AGBL4: variants seen among roughly 807,000 people sequenced by gnomAD.
AGBL4 encodes the protein AGBL carboxypeptidase 4.
AGBL4 carries 58 observed loss-of-function variants against 66.4 expected under a neutral mutation model. That is an observed-to-expected ratio of 0.87 (90% CI 0.71 to 1.09). The LOEUF (loss-of-function observed/expected upper bound fraction) is 1.09. Ranked by LOEUF, AGBL4 falls within the 50% of genes least tolerant of loss-of-function variation. The pLI, the probability that AGBL4 is intolerant of heterozygous loss-of-function variation, is 0.00. For missense variants in AGBL4, 579 were observed against 631.0 expected (o/e 0.92, Z 0.88); for synonymous variants, 234 against 222.9 (o/e 1.05, Z -0.44).
At chr1:48,591,738 A>G (rs1450940731) in intron 9 of AGBL4, among the ~76,000 whole-genome samples, 1 of 152,222 alleles carries the variant, frequency 6.6e-6, no homozygotes, top group African/African-American at 2.4e-5. Context: ...ACAACAGCAT[A>G]TAAATAATGC....
rs186335281 is a variant in AGBL4, at chr1:49,933,653, G to A, written c.35-82135C>T. 3.5e-3 allele frequency among the ~76,000 whole-genome samples: 527 copies of A among 152,102 alleles called. 1 individual carries two copies. The highest frequency in any genetic ancestry group is 0.017 in the Middle Eastern group (5 of 290). On this transcript the variant is annotated intron_variant, in intron 1 of 13. Coordinates refer to ENST00000371839, the MANE Select transcript of AGBL4 (RefSeq NM_032785.4). ...TTATGACAATAACAAAGTGTGAGGG[G>A]GGTGAAATAAAAGTGCAGTTTTGTA...
chr1:48,898,858 T>C (rs1651799034), intron 5 of AGBL4, among the ~76,000 whole-genome samples: 1 of 151,934 alleles, frequency 6.6e-6, no homozygotes, highest in South Asian at 2.1e-4. Context: ...AGCTGAAGAG[T>C]TTTCCCTGAG....
intron 6 of AGBL4, among the ~76,000 whole-genome samples, chr1:48,805,778 C>T (rs1355164939): frequency 1.3e-5 from 2 of 152,312 alleles, no homozygotes; most frequent in African/African-American, 4.8e-5. Flanking sequence ...CCATCTCATG[C>T]TCTATGACCC....
intron 3 of AGBL4, among the ~76,000 whole-genome samples, chr1:49,423,778 C>T (rs1163403522): frequency 7.1e-6 from 1 of 141,808 alleles, no homozygotes; most frequent in Admixed American, 7.3e-5. Flanking sequence ...CACCACTGCA[C>T]TCCAGCCTGG....
At chr1:49,145,648 C>G (rs1221573461) in intron 4 of AGBL4, among the ~76,000 whole-genome samples, 2 of 152,078 alleles carry the variant, frequency 1.3e-5, no homozygotes, top group Non-Finnish European at 2.9e-5. Context: ...GATGAAAAAG[C>G]CTGTGTTTCC....
chr1:49,682,915 A>T (rs1300277430), intron 3 of AGBL4, among the ~76,000 whole-genome samples: 2 of 152,214 alleles, frequency 1.3e-5, no homozygotes, highest in Non-Finnish European at 2.9e-5. Flanking sequence ...ATGATTGAAG[A>T]AGATATGATT....
intron 3 of AGBL4, among the ~76,000 whole-genome samples, chr1:49,279,642 C>T (rs1644237488): frequency 6.6e-6 from 1 of 151,982 alleles, no homozygotes; most frequent in Non-Finnish European, 1.5e-5. Flanking sequence ...TTCAATTTTC[C>T]CACTTCTAAA....
At chr1:49,120,560 A>T (rs1057371027) in intron 4 of AGBL4, among the ~76,000 whole-genome samples, 1 of 152,110 alleles carries the variant, frequency 6.6e-6, no homozygotes. Flanking sequence ...CTGCCGAGAG[A>T]TCTGCTGTTA....
intron 2 of AGBL4, among the ~76,000 whole-genome samples, chr1:49,717,314 C>G (rs1017640339): frequency 6.6e-6 from 1 of 152,106 alleles, no homozygotes; most frequent in South Asian, 2.1e-4. Context: ...CTATCCCCAT[C>G]AAGCTACCAC....
chr1:49,914,876 TA>T (rs954909949), intron 1 of AGBL4, among the ~76,000 whole-genome samples: 3 of 151,894 alleles, frequency 2.0e-5, no homozygotes, highest in African/African-American at 7.3e-5. Flanking sequence ...AAAGGGCCCA[TA>T]AGAGAGAGAA....
the AGBL4 span, among the ~76,000 whole-genome samples, chr1:48,527,792 G>A: frequency 3.9e-5 from 6 of 152,066 alleles, no homozygotes; most frequent in African/African-American, 1.2e-4. Flanking sequence ...AGAACAAGCA[G>A]GAATAACCAG....
At chr1:48,652,191 G>A (rs1047487240) in intron 8 of AGBL4, among the ~76,000 whole-genome samples, 1 of 152,190 alleles carries the variant, frequency 6.6e-6, no homozygotes, top group African/African-American at 2.4e-5. Context: ...GATGGAGCAA[G>A]ACCCTGTCTC....
At chr1:49,083,937 C>T (rs2147963001) in intron 4 of AGBL4, among the ~76,000 whole-genome samples, 1 of 152,304 alleles carries the variant, frequency 6.6e-6, no homozygotes, top group South Asian at 2.1e-4. Flanking sequence ...GTTCAAAGTT[C>T]CAAAGATCTC....
At chr1:49,874,879 G>T (rs1646939640) in intron 1 of AGBL4, among the ~76,000 whole-genome samples, 1 of 151,504 alleles carries the variant, frequency 6.6e-6, no homozygotes. Context: ...CAATGTGCAG[G>T]TTAGTTACAT....
At chr1:48,983,167 A>G (rs1001974044) in intron 5 of AGBL4, among the ~76,000 whole-genome samples, 1 of 152,256 alleles carries the variant, frequency 6.6e-6, no homozygotes. Flanking sequence ...CTCTTCCTTC[A>G]TATTCATATG....
chr1:49,098,076 G>A (rs951754778), intron 4 of AGBL4, among the ~76,000 whole-genome samples: 2 of 152,212 alleles, frequency 1.3e-5, no homozygotes, highest in African/African-American at 4.8e-5. Flanking sequence ...GGATCTGGGA[G>A]GCAAGAGATG....
intron 4 of AGBL4, among the ~76,000 whole-genome samples, chr1:49,223,690 T>C (rs1247337979): frequency 6.6e-6 from 1 of 152,204 alleles, no homozygotes; most frequent in Non-Finnish European, 1.5e-5. Flanking sequence ...TTGCATGCCC[T>C]TGAAAACAGT....
At chr1:49,854,109 T>C (rs1408615605) in intron 1 of AGBL4, among the ~76,000 whole-genome samples, 1 of 152,036 alleles carries the variant, frequency 6.6e-6, no homozygotes, top group Non-Finnish European at 1.5e-5. Context: ...TTATGCCATA[T>C]GGAAAAGTAA....
intron 4 of AGBL4, among the ~76,000 whole-genome samples, chr1:49,168,740 C>T (rs1408386835): frequency 6.6e-6 from 1 of 152,154 alleles, no homozygotes; most frequent in Non-Finnish European, 1.5e-5. Context: ...CTGCTTGATG[C>T]CCACACACTT....
Sources: gnomAD v4.1 joint callset for allele counts (sites outside exome capture counted in the v4.1 genomes callset) on GRCh38, gnomAD v4.1.1 for gene constraint, MANE v1.5 for transcripts, NCBI Gene and HGNC (gene_info 2026-07-23, HGNC 2026-07-21) for gene names.